GALNT8: variants seen among roughly 807,000 people sequenced by gnomAD.
GALNT8 encodes the protein polypeptide N-acetylgalactosaminyltransferase 8.
In GALNT8, 66 loss-of-function variants were observed where a neutral mutation model predicts 62.7. The ratio of observed to expected loss-of-function variants is 1.05; its 90% CI spans 0.86 to 1.29. The LOEUF (loss-of-function observed/expected upper bound fraction) is 1.29. GALNT8 is among the 50% of genes most tolerant of loss of function. GALNT8 has a pLI of 0.00. For synonymous variants in GALNT8, 288 were observed against 294.3 expected (o/e 0.98, Z 0.22); for missense variants, 771 against 791.8 (o/e 0.97, Z 0.32).
chr12:4,746,187 C>G lies in GALNT8; in HGVS notation c.1102C>G (p.Leu368Val), dbSNP rs778061982. The G allele has an allele frequency of 1.2e-6, 2 of 1,613,524 alleles. No individual in the cohort carries two copies. Among genetic ancestry groups the G allele is most frequent in the South Asian group, 1.1e-5 (1 of 91,066 alleles). The stretch of plus-strand genomic sequence containing the variant: ...CATCCTGGCTGCTAACAGGCACTTC[C>G]TGGGAGAGATCGGGTCTCTGGATGG... ...MGILAANRHFLGEIGSLDGGM... is the reference protein window; with the variant it reads ...MGILAANRHFVGEIGSLDGGM... The change falls in exon 6 of 11, where the codon CTG becomes GTG. Residue 368 changes from leucine (L) to valine (V), a missense_variant. By Grantham distance (32) the Leu-to-Val change is conservative. Coordinates refer to ENST00000252318, the MANE Select transcript of GALNT8 (RefSeq NM_017417.2).
intron 6 of GALNT8, among the ~76,000 whole-genome samples, chr12:4,747,606 C>T (rs1486228856): frequency 1.3e-5 from 2 of 151,916 alleles, no homozygotes; most frequent in African/African-American, 2.4e-5. Flanking sequence ...TTTTCTTTAT[C>T]CATTCATCTG....
intron 2 of GALNT8, among the ~76,000 whole-genome samples, chr12:4,730,357 A>G (rs1946216087): frequency 1.3e-5 from 2 of 152,074 alleles, no homozygotes; most frequent in Non-Finnish European, 2.9e-5. Flanking sequence ...TTTTATATTT[A>G]AGTCTTTAAT....
At chr12:4,770,974 G>A (rs551824004) in intron 10 of GALNT8, among the ~76,000 whole-genome samples, 1 of 152,338 alleles carries the variant, frequency 6.6e-6, no homozygotes, top group East Asian at 1.9e-4. Context: ...TGGGGCTCAG[G>A]GAACAGAGGG....
At chr12:4,750,307 A>G (rs1946316868) in intron 6 of GALNT8, among the ~76,000 whole-genome samples, 1 of 152,042 alleles carries the variant, frequency 6.6e-6, no homozygotes, top group Admixed American at 6.6e-5. Flanking sequence ...AGTCTCCGTT[A>G]GTTATTTTTC....
At chr12:4,735,715 T>G (rs889004736) in intron 2 of GALNT8, among the ~76,000 whole-genome samples, 1 of 152,090 alleles carries the variant, frequency 6.6e-6, no homozygotes. Flanking sequence ...ATGCACAAGC[T>G]AGGAAGACCA....
chr12:4,723,383 T>C (rs1355361488), intron 1 of GALNT8, among the ~76,000 whole-genome samples: 2 of 152,166 alleles, frequency 1.3e-5, no homozygotes, highest in African/African-American at 4.8e-5. Flanking sequence ...ACCAGGAGGA[T>C]GCCTGTGTAC....
chr12:4,760,382 G>A (rs1037398291), intron 6 of GALNT8, among the ~76,000 whole-genome samples: 9 of 152,174 alleles, frequency 5.9e-5, no homozygotes, highest in Non-Finnish European at 1.3e-4. Flanking sequence ...GCATCTCTTG[G>A]CAAAATGGAC....
chr12:4,746,088 C>T, intron 5 of GALNT8, 56 bp from the exon 6 acceptor site: 1 of 980,686 alleles, frequency 1.0e-6, no homozygotes, highest in Non-Finnish European at 1.7e-6. Flanking sequence ...GAGCATCCCA[C>T]CCCTCGCCTC....
chr12:4,770,448 G>A (rs1201677155), intron 10 of GALNT8, among the ~76,000 whole-genome samples: 2 of 152,016 alleles, frequency 1.3e-5, no homozygotes, highest in African/African-American at 4.8e-5. Context: ...AAGTTGAGTG[G>A]AAATAGAAAA....
rs751454949 is a variant in GALNT8, at chr12:4,726,440, C to T, written c.212-92C>T. 17 of 857,330 alleles carry T rather than the reference C, an allele frequency of 2.0e-5. No homozygotes were observed. Among genetic ancestry groups the T allele is most frequent in the Non-Finnish European group, 2.7e-5 (15 of 545,504 alleles). 53.1% of individuals were successfully genotyped at this position (857,330 alleles called of 1,614,324 possible). A position where few individuals can be genotyped will look rare whatever the true frequency, so the allele number is the denominator to read the frequency against. On this transcript the variant is annotated intron_variant, in intron 1 of 10. Coordinates refer to ENST00000252318, the MANE Select transcript of GALNT8 (RefSeq NM_017417.2). The surrounding 1 kb of genome is among the most constrained non-coding windows in gnomAD (Gnocchi z 4.1). ...AAGTTTTAAGATGTAGTGGGTAAACCGTTAGAGGAAATTAGGATGGAAAGG... is the reference window on the plus strand; with the variant it reads ...AAGTTTTAAGATGTAGTGGGTAAACTGTTAGAGGAAATTAGGATGGAAAGG...
At chr12:4,756,652 A>G (rs1422871455) in intron 6 of GALNT8, among the ~76,000 whole-genome samples, 1 of 152,160 alleles carries the variant, frequency 6.6e-6, no homozygotes, top group Non-Finnish European at 1.5e-5. Flanking sequence ...GGAACAAAGT[A>G]ATTTCCCATC....
In GALNT8 at chr12:4,747,684, G is replaced by A. The variant is rs531768000; in HGVS notation, c.1173+1426G>A. Reference sequence around the variant, plus strand: ...ACAGTGCTGCAACAAACAAAAGAGTGCAGATATCTCTTTGATTTACTGATT... The same window carrying A: ...ACAGTGCTGCAACAAACAAAAGAGTACAGATATCTCTTTGATTTACTGATT... On this transcript the variant is annotated intron_variant, in intron 6 of 10. Transcript: ENST00000252318. 1.1e-4 allele frequency among the ~76,000 whole-genome samples: 16 copies of A among 152,302 alleles called. No homozygotes were observed. The South Asian group carries it at 3.3e-3, about 32-fold the overall frequency.
intron 6 of GALNT8, among the ~76,000 whole-genome samples, chr12:4,750,100 C>T (rs1313404262): frequency 2.6e-5 from 4 of 151,980 alleles, no homozygotes; most frequent in Admixed American, 2.6e-4. Flanking sequence ...TTTCAAAAAA[C>T]CAACTTTTTG....
chr12:4,744,798 C>T (rs1428360192), intron 4 of GALNT8, 98 bp downstream of exon 4: 6 of 749,384 alleles, frequency 8.0e-6, no homozygotes, highest in South Asian at 2.1e-5. Flanking sequence ...CAGGGAAAGT[C>T]AGCACCAGGC....
intron 2 of GALNT8, among the ~76,000 whole-genome samples, chr12:4,734,088 G>A (rs117244495): frequency 1.3e-5 from 2 of 152,286 alleles, no homozygotes; most frequent in East Asian, 3.9e-4. Flanking sequence ...GAGCCCTTAT[G>A]CACATTACCA....
rs764278937 is a variant in GALNT8, at chr12:4,744,708, T to C, written c.860+8T>C. ...TGAAGTCAATGTTGGGTGGTAAGGC[T>C]CAAAGAGGCTAGTTCTTCTGGAAAG... On this transcript the variant is annotated splice_region_variant and intron_variant, in intron 4 of 10. Transcript: ENST00000252318. The C allele has an allele frequency of 1.3e-6, 2 of 1,593,706 alleles. No individual in the cohort carries two copies. Among genetic ancestry groups the C allele is most frequent in the South Asian group, 1.1e-5 (1 of 89,942 alleles).
intron 4 of GALNT8, among the ~76,000 whole-genome samples, chr12:4,745,143 A>G (rs1400645992): frequency 6.6e-6 from 1 of 152,234 alleles, no homozygotes; most frequent in Admixed American, 6.5e-5. Flanking sequence ...CGTAAATTCA[A>G]GGAGTAATAT....
Position 4,772,636 on chromosome 12 carries a change from A to C in GALNT8, c.*39A>C. The C allele has an allele frequency of 6.6e-7, 1 of 1,504,930 alleles. No homozygotes were observed. Among genetic ancestry groups the C allele is most frequent in the South Asian group, 1.1e-5 (1 of 89,062 alleles). 93.2% of individuals were successfully genotyped at this position (1,504,930 alleles called of 1,614,324 possible). On this transcript the variant is annotated 3_prime_UTR_variant, in exon 11 of 11. Transcript: ENST00000252318. ...CTGGATCTGGGTCATCAATTCTTGC[A>C]AGTGGAATGGCTTCTACTCCTAACA...
At chr12:4,728,521 A>G (rs1032253318) in intron 2 of GALNT8, among the ~76,000 whole-genome samples, 2 of 152,042 alleles carry the variant, frequency 1.3e-5, no homozygotes, top group African/African-American at 4.8e-5. Context: ...TGTTTGGTCC[A>G]TTTTAGTTTT....
Sources: gnomAD v4.1 joint callset for allele counts (sites outside exome capture counted in the v4.1 genomes callset) on GRCh38, gnomAD v4.1.1 for gene constraint, Gnocchi (gnomAD v3.1) non-coding constraint, MANE v1.5 for transcripts, NCBI Gene and HGNC (gene_info 2026-07-23, HGNC 2026-07-21) for gene names.